CFAP92: variants seen among roughly 807,000 people sequenced by gnomAD.
CFAP92 encodes uncharacterized protein CFAP92.
Under a neutral mutation model 106.3 loss-of-function variants are expected in CFAP92, and 86 were observed. The ratio of observed to expected loss-of-function variants is 0.81; its 90% CI spans 0.68 to 0.97. The LOEUF (loss-of-function observed/expected upper bound fraction) is 0.97, where lower values mean the gene tolerates loss of function less well. CFAP92 is among the 50% of genes least tolerant of loss of function. The probability of loss-of-function intolerance (pLI) is 0.00; values close to 1 mark genes in which losing one functional copy is unlikely to be tolerated. For synonymous variants in CFAP92, 477 were observed against 506.4 expected (o/e 0.94, Z 0.78); for missense variants, 1,204 against 1,283.8 (o/e 0.94, Z 0.95).
chr3:129,026,003 C>G, the CFAP92 span, among the ~76,000 whole-genome samples: 2 of 152,262 alleles, frequency 1.3e-5, no homozygotes, highest in Non-Finnish European at 2.9e-5. Flanking sequence ...GACCCCACCT[C>G]TCCCGCGGTG....
chr3:128,943,539 T>A (rs1939873720), intron 10 of CFAP92, among the ~76,000 whole-genome samples: 3 of 149,598 alleles, frequency 2.0e-5, no homozygotes, highest in Admixed American at 2.0e-4. Context: ...TTTCATTTCT[T>A]TTTTTTTTTT....
At chr3:128,973,511 C>A (rs1480388515) in intron 7 of CFAP92, among the ~76,000 whole-genome samples, 1 of 152,062 alleles carries the variant, frequency 6.6e-6, no homozygotes. Context: ...ACAAAACTAG[C>A]CAGGCATGGT....
At chr3:128,926,641 C>T (rs1331976709) in intron 12 of CFAP92, among the ~76,000 whole-genome samples, 1 of 152,132 alleles carries the variant, frequency 6.6e-6, no homozygotes, top group Non-Finnish European at 1.5e-5. Context: ...AAGAAAAGAG[C>T]AAGGAAAGGA....
chr3:129,024,856 G>C, the CFAP92 span, among the ~76,000 whole-genome samples: 4 of 152,210 alleles, frequency 2.6e-5, no homozygotes, highest in Non-Finnish European at 5.9e-5. Context: ...TCAAACCATA[G>C]CAGAGGGAGA....
the CFAP92 span, among the ~76,000 whole-genome samples, chr3:129,025,526 T>G: frequency 2.0e-4 from 30 of 152,300 alleles, 1 homozygote; most frequent in East Asian, 9.7e-4. Flanking sequence ...GCATGTGTAG[T>G]AGGCACAGTG....
In CFAP92 at chr3:128,945,163, G is replaced by A; in HGVS notation, c.2166C>T (p.Gly722=). ...QEQQHLDVLT[G]FHLLDGKTHL... ...GTGTCTTCCCGTCCAGCAGGTGGAA[G>A]CCAGTGAGCACATCCAGGTGCTGCT... The change falls in exon 10 of 16, where the codon GGC becomes GGT. Residue 722 remains glycine, a synonymous_variant. Transcript: ENST00000645291. 6.5e-7 allele frequency: 1 copy of A among 1,536,174 alleles called. No homozygotes were observed. Among genetic ancestry groups the A allele is most frequent in the Non-Finnish European group, 8.7e-7 (1 of 1,146,916 alleles).
At chr3:128,963,277 C>G (rs568255491) in intron 9 of CFAP92, among the ~76,000 whole-genome samples, 1 of 152,286 alleles carries the variant, frequency 6.6e-6, no homozygotes, top group African/African-American at 2.4e-5. Context: ...AGAGCCAGGA[C>G]CACACCGTGT....
intron 12 of CFAP92, among the ~76,000 whole-genome samples, chr3:128,923,056 C>T (rs73210616): frequency 6.6e-6 from 1 of 152,376 alleles, no homozygotes; most frequent in Non-Finnish European, 1.5e-5. Flanking sequence ...ACAAATGCTT[C>T]ACCAATGGTA....
At chr3:128,964,864 C>T (rs921796812) in intron 9 of CFAP92, among the ~76,000 whole-genome samples, 5 of 152,134 alleles carry the variant, frequency 3.3e-5, no homozygotes, top group Admixed American at 6.5e-5. Flanking sequence ...AAACATCGCC[C>T]GTTCTCTCTC....
the CFAP92 span, among the ~76,000 whole-genome samples, chr3:129,026,229 A>T: frequency 1.3e-5 from 2 of 152,238 alleles, no homozygotes; most frequent in Non-Finnish European, 2.9e-5. Context: ...TGCAAGTGCT[A>T]GGAGGTGGAG....
intron 4 of CFAP92, chr3:128,978,418 T>C (rs1943301345): frequency 2.9e-6 from 1 of 347,924 alleles, no homozygotes; most frequent in South Asian, 5.8e-5. Flanking sequence ...AAAATGTACA[T>C]ACCTAAGTTT....
At chr3:129,018,892 ATGT>A in the CFAP92 span, among the ~76,000 whole-genome samples, 1 of 152,064 alleles carries the variant, frequency 6.6e-6, no homozygotes, top group Non-Finnish European at 1.5e-5. Flanking sequence ...CCCACCCCAA[ATGT>A]TGTTCTGCGA....
At chr3:128,949,312 T>C (rs1940560262) in intron 9 of CFAP92, among the ~76,000 whole-genome samples, 1 of 152,234 alleles carries the variant, frequency 6.6e-6, no homozygotes, top group African/African-American at 2.4e-5. Context: ...GCAACCTAAA[T>C]GTCCTTTGAT....
At chr3:128,921,745 C>T (rs1052113673) in intron 12 of CFAP92, among the ~76,000 whole-genome samples, 4 of 152,182 alleles carry the variant, frequency 2.6e-5, no homozygotes, top group African/African-American at 4.8e-5. Context: ...GATGGACAAC[C>T]TCTTTCGGGA....
intron 15 of CFAP92, among the ~76,000 whole-genome samples, chr3:128,911,390 A>G (rs1235055097): frequency 6.6e-6 from 1 of 151,810 alleles, no homozygotes; most frequent in Non-Finnish European, 1.5e-5. Context: ...GCAAGTGCAG[A>G]GCCCTTTGCG....
rs1269734536 is a variant in CFAP92 at position 128,959,503 on chromosome 3, C to A, written c.1353+6008G>T. Among the ~76,000 whole-genome samples the A allele has an allele frequency of 2.6e-5, 4 of 152,268 alleles. No homozygotes were observed. In the East Asian group the frequency reaches 5.8e-4, roughly 22 times the overall value. On this transcript the variant is annotated intron_variant, in intron 9 of 15. Transcript: ENST00000645291. Reference sequence around the variant, plus strand: ...TTTCTCGAGAAGCTACTAGAGGATGCACTCCAGCAAAACCAGACAGCAAAT... The same window carrying A: ...TTTCTCGAGAAGCTACTAGAGGATGAACTCCAGCAAAACCAGACAGCAAAT...
At chr3:129,007,461 G>A (rs1945123715), upstream of CFAP92, among the ~76,000 whole-genome samples, 1 of 152,166 alleles carries the variant, frequency 6.6e-6, no homozygotes, top group African/African-American at 2.4e-5. Flanking sequence ...AGAAAACAGA[G>A]CAATGACTGA....
chr3:128,999,462 G>A (rs1944606683), intron 1 of CFAP92, among the ~76,000 whole-genome samples: 1 of 152,070 alleles, frequency 6.6e-6, no homozygotes, highest in Non-Finnish European at 1.5e-5. Context: ...AGGGATGGGG[G>A]GTGGGGAGGG....
chr3:128,980,790 GATC>G (rs1943479851), intron 4 of CFAP92, among the ~76,000 whole-genome samples: 1 of 152,078 alleles, frequency 6.6e-6, no homozygotes, highest in Non-Finnish European at 1.5e-5. Context: ...GTTCAAATTT[GATC>G]ATGAGACTGC....
Sources: allele counts gnomAD v4.1 joint callset (sites outside exome capture counted in the v4.1 genomes callset), GRCh38; gene constraint gnomAD v4.1.1; transcripts MANE v1.5; gene names NCBI Gene and HGNC (gene_info 2026-07-23, HGNC 2026-07-21).